Variants in MYBPC2 observed in about 807,000 individuals in gnomAD.
MYBPC2 encodes the protein myosin-binding protein C, fast-type.
Under a neutral mutation model 137.0 loss-of-function variants are expected in MYBPC2, and 122 were observed. The observed-to-expected ratio is 0.89, with a 90% CI of 0.77 to 1.03. The LOEUF is 1.03. Among genes scored for constraint, MYBPC2 ranks in the 50% least tolerant of loss-of-function variants. The pLI is 0.00. For synonymous variants in MYBPC2, 626 were observed against 612.3 expected (o/e 1.02, Z -0.33); for missense variants, 1,500 against 1,534.4 (o/e 0.98, Z 0.37).
chr19:50,459,148 G>A lies in MYBPC2; in HGVS notation c.2633G>A (p.Gly878Glu). ...CCCCAGGTGGTGTGGACCAAGGGCG[G>A]GGCCCCGCTGGACACCTCCCGCGTG... ...PRPQVVWTKG[G>E]APLDTSRVHV... is the part of the protein sequence containing the mutation. The change falls in exon 23 of 28, where the codon GGG (glycine) becomes GAG (glutamate). Residue 878 changes from glycine (G) to glutamate (E), a missense_variant. Physicochemically the swap from Gly to Glu is moderately conservative, Grantham distance 98. Coordinates refer to ENST00000357701, the MANE Select transcript of MYBPC2 (RefSeq NM_004533.4). 1.9e-6 allele frequency: 3 copies of A among 1,591,222 alleles called. No individual in the cohort carries two copies. Among genetic ancestry groups the A allele is most frequent in the Non-Finnish European group, 2.6e-6 (3 of 1,171,302 alleles).
At chr19:50,451,153 C>A in intron 14 of MYBPC2, 127 bp from the exon 15 acceptor site, 1 of 1,247,966 alleles carries the variant, frequency 8.0e-7, no homozygotes, top group Non-Finnish European at 1.1e-6. Context: ...TGGGCCTGAA[C>A]CTGTCTCCAG....
Position 50,435,627 on chromosome 19 carries a change from C to T in MYBPC2, c.110-149C>T. The T allele has an allele frequency of 1.4e-6, 1 of 702,730 alleles. No homozygotes were observed. The highest frequency in any genetic ancestry group is 2.3e-6 in the Non-Finnish European group (1 of 426,052). 43.5% of individuals were successfully genotyped at this position (702,730 alleles called of 1,614,324 possible). A position where few individuals can be genotyped will look rare whatever the true frequency, so the allele number is the denominator to read the frequency against. On this transcript the variant is annotated intron_variant, in intron 2 of 27. Coordinates refer to ENST00000357701, the MANE Select transcript of MYBPC2 (RefSeq NM_004533.4). The surrounding 1 kb of genome is among the most constrained non-coding windows in gnomAD (Gnocchi z 4.8). ...CACGAGGGTGACAGGTGGCCTTTCC[C>T]AGGTCAGGAAAAGCCATTTAACCCC... is the stretch of plus-strand genomic sequence containing the variant.
intron 11 of MYBPC2, 96 bp downstream of exon 11, chr19:50,443,912 G>T (rs1331322337): frequency 2.6e-6 from 3 of 1,174,792 alleles, no homozygotes; most frequent in Non-Finnish European, 2.5e-6. Context: ...TTCTCTTGGA[G>T]ATTTCTGACC....
chr19:50,453,883 A>G (rs984382585), intron 16 of MYBPC2, 137 bp from the exon 17 acceptor site: 8 of 971,368 alleles, frequency 8.2e-6, no homozygotes, highest in South Asian at 1.7e-5. Context: ...GAGGGCGAGG[A>G]GGGCAGTGGA....
intron 23 of MYBPC2, 56 bp downstream of exon 23, chr19:50,459,362 TG>T: frequency 9.2e-7 from 1 of 1,091,584 alleles, no homozygotes. Flanking sequence ...TGGGCAGCGA[TG>T]GGGGAGGAGG....
chr19:50,450,087 G>A lies in MYBPC2; in HGVS notation c.1473-742G>A, dbSNP rs184449719. Reference sequence around the variant, plus strand: ...TGGGAAAATCATTTGAACCCAGGAGGGGGAGGTTGCAGTGAGCCAAGATCA... The same window carrying A: ...TGGGAAAATCATTTGAACCCAGGAGAGGGAGGTTGCAGTGAGCCAAGATCA... On this transcript the variant is annotated intron_variant, in intron 13 of 27. Coordinates refer to ENST00000357701, the MANE Select transcript of MYBPC2 (RefSeq NM_004533.4). Among the ~76,000 whole-genome samples the A allele has an allele frequency of 3.3e-5, 5 of 152,228 alleles. No individual in the cohort carries two copies. The East Asian group carries it at 9.7e-4, about 29-fold the overall frequency.
In MYBPC2 at chr19:50,455,251, G is replaced by A. The variant is rs1401470300; in HGVS notation, c.2158G>A (p.Gly720Arg). Reference protein sequence around the residue: ...EMRVFAVNAIGVSQPSMNTKP... With the variant: ...EMRVFAVNAIRVSQPSMNTKP... ...GCGTGTCTTCGCCGTCAATGCTATA[G>A]GGGTCTCCCAGCCCAGCATGAACAC... Residue 720 changes from glycine (G) to arginine (R), a missense_variant, in exon 19 of 28, where the codon GGG (glycine) becomes AGG (arginine). Gly to Arg is a moderately radical substitution (Grantham distance 125). Coordinates refer to ENST00000357701, the MANE Select transcript of MYBPC2 (RefSeq NM_004533.4). The A allele has an allele frequency of 6.2e-7, 1 of 1,613,858 alleles. No individual in the cohort carries two copies. Among genetic ancestry groups the A allele is most frequent in the South Asian group, 1.1e-5 (1 of 91,072 alleles).
intron 26 of MYBPC2, among the ~76,000 whole-genome samples, chr19:50,463,973 G>A (rs1427922261): frequency 6.6e-6 from 1 of 151,518 alleles, no homozygotes; most frequent in East Asian, 1.9e-4. Flanking sequence ...CACTATGGAA[G>A]AGGGAACAGC....
Position 50,455,542 on chromosome 19 carries a change from G to A in MYBPC2, c.2236G>A (p.Glu746Lys), listed in dbSNP as rs202178193. The change falls in exon 20 of 28, where the codon GAG becomes AAG. Residue 746 changes from glutamate (E) to lysine (K), a missense_variant. Physicochemically the swap from Glu to Lys is moderately conservative, Grantham distance 56 (BLOSUM62 1). Coordinates refer to ENST00000357701, the MANE Select transcript of MYBPC2 (RefSeq NM_004533.4). ...GAGTGAACCCCTGCACCTGATAGTG[G>A]AGGATGTGACAGACACCACCACCAC... The part of the protein sequence containing the change: ...PTSEPLHLIV[E>K]DVTDTTTTLK... 2.3e-4 allele frequency: 374 copies of A among 1,613,790 alleles called. No homozygotes were observed. The highest frequency in any genetic ancestry group is 3.0e-4 in the Non-Finnish European group (356 of 1,179,874).
chr19:50,435,270 G>A lies in MYBPC2; in HGVS notation c.109+20G>A. 1.1e-6 allele frequency: 1 copy of A among 948,568 alleles called. No homozygotes were observed. Among genetic ancestry groups the A allele is most frequent in the Non-Finnish European group, 1.7e-6 (1 of 592,536 alleles). 58.8% of individuals were successfully genotyped at this position (948,568 alleles called of 1,614,324 possible). A position where few individuals can be genotyped will look rare whatever the true frequency, so the allele number is the denominator to read the frequency against. The stretch of plus-strand genomic sequence containing the variant: ...CCAAAGGTGAGGAGGTGCTCCCTCG[G>A]GCTCAACCGACCTGGCTTCTCATCT... On this transcript the variant is annotated intron_variant, in intron 2 of 27. Transcript: ENST00000357701. This position sits in a 1 kb window ranked among gnomAD's most constrained non-coding sequence, Gnocchi z 4.8.
At position 50,443,950 on chromosome 19, in the gene MYBPC2, C is replaced by G. The variant is rs531276596; in HGVS notation, c.1133+134C>G. ...TACTCAGTAGTCATCCCCAGGAGATCTCAGCTTTTCTCTATAAATCCTTAC... is the reference window on the plus strand; with the variant it reads ...TACTCAGTAGTCATCCCCAGGAGATGTCAGCTTTTCTCTATAAATCCTTAC... On this transcript the variant is annotated intron_variant, in intron 11 of 27. Coordinates refer to ENST00000357701, the MANE Select transcript of MYBPC2 (RefSeq NM_004533.4). 1.3e-5 allele frequency: 10 copies of G among 783,762 alleles called. No individual in the cohort carries two copies. In the East Asian group the frequency reaches 2.7e-4, roughly 21 times the overall value. 48.6% of individuals were successfully genotyped at this position (783,762 alleles called of 1,614,324 possible).
At position 50,440,862 on chromosome 19, in the gene MYBPC2, CG is replaced by C. The variant is rs2039747320; in HGVS notation, c.573-17del. The C allele has an allele frequency of 1.2e-6, 2 of 1,605,188 alleles. No homozygotes were observed. Among genetic ancestry groups the C allele is most frequent in the Non-Finnish European group, 1.7e-6 (2 of 1,175,282 alleles). On this transcript the variant is annotated splice_polypyrimidine_tract_variant and intron_variant, in intron 7 of 27. Coordinates refer to ENST00000357701, the MANE Select transcript of MYBPC2 (RefSeq NM_004533.4). Reference sequence around the variant, plus strand: ...TCCTCACTCCCTGATGGCCCCTGTCCGTTCCCCCACCCGCCAGGGAGGTGGT... The same window carrying C: ...TCCTCACTCCCTGATGGCCCCTGTCCTTCCCCCACCCGCCAGGGAGGTGGT...
At chr19:50,463,200 T>C (rs986549875) in intron 26 of MYBPC2, among the ~76,000 whole-genome samples, 1 of 152,206 alleles carries the variant, frequency 6.6e-6, no homozygotes, top group Non-Finnish European at 1.5e-5. Flanking sequence ...TTACAGCTAC[T>C]GCAGACAAAA....
chr19:50,463,784 C>T (rs762735896), intron 26 of MYBPC2, among the ~76,000 whole-genome samples: 13 of 152,038 alleles, frequency 8.6e-5, no homozygotes, highest in Non-Finnish European at 1.8e-4. Flanking sequence ...ACTAAAAATA[C>T]AAAAACTAGC....
chr19:50,443,837 G>C (rs368586553), intron 11 of MYBPC2, 21 bp downstream of exon 11: 26 of 1,601,580 alleles, frequency 1.6e-5, no homozygotes, highest in Non-Finnish European at 2.0e-5. Context: ...CTTGATCCCT[G>C]ATCTCCATAC....
intron 12 of MYBPC2, 73 bp downstream of exon 12, chr19:50,446,125 C>A: frequency 6.7e-7 from 1 of 1,503,290 alleles, no homozygotes; most frequent in East Asian, 2.4e-5. Context: ...TGCTCAGGCC[C>A]CCCAGTCTGG....
chr19:50,437,806 T>C, intron 7 of MYBPC2, 88 bp downstream of exon 7: 1 of 1,401,684 alleles, frequency 7.1e-7, no homozygotes, highest in Non-Finnish European at 9.9e-7. Flanking sequence ...TGATTCCTCC[T>C]GGACCCACTG....
At position 50,455,201 on chromosome 19, in the gene MYBPC2, T is replaced by G; in HGVS notation, c.2108T>G (p.Met703Arg). The stretch of plus-strand genomic sequence containing the variant: ...GAGACCACCTATGAGTCCACCAAGA[T>G]GATCGAGGGCATCCTCTATGAGATG... ...FTETTYESTKMIEGILYEMRV... is the reference protein window; with the variant it reads ...FTETTYESTKRIEGILYEMRV... The change falls in exon 19 of 28, where the codon ATG (methionine) becomes AGG (arginine). Residue 703 changes from methionine (M) to arginine (R), a missense_variant. Coordinates refer to ENST00000357701, the MANE Select transcript of MYBPC2 (RefSeq NM_004533.4). 1 of 1,613,914 alleles carries G rather than the reference T, an allele frequency of 6.2e-7. No homozygotes were observed.
chr19:50,441,107 TG>T (rs2039750595), intron 8 of MYBPC2, 31 bp downstream of exon 8: 1 of 1,542,038 alleles, frequency 6.5e-7, no homozygotes. Context: ...AGCTGGGCCC[TG>T]CACACAAGGG....
Sources: gnomAD v4.1 joint callset for allele counts (sites outside exome capture counted in the v4.1 genomes callset) on GRCh38, gnomAD v4.1.1 for gene constraint, Gnocchi (gnomAD v3.1) non-coding constraint, MANE v1.5 for transcripts, NCBI Gene and HGNC (gene_info 2026-07-23, HGNC 2026-07-21) for gene names.